Variants in SLC25A41 observed in about 807,000 individuals in gnomAD.
SLC25A41 encodes solute carrier family 25 member 41.
SLC25A41 carries 35 observed loss-of-function variants against 34.7 expected under a neutral mutation model. That is an observed-to-expected ratio of 1.01 (90% CI 0.77 to 1.34). The LOEUF is 1.34. Ranked by LOEUF, SLC25A41 falls within the 40% of genes most tolerant of loss-of-function variation. SLC25A41 has a pLI of 0.00. For missense variants in SLC25A41, 492 were observed against 489.8 expected (o/e 1.00, Z -0.04); for synonymous variants, 190 against 209.9 (o/e 0.91, Z 0.82).
At chr19:6,433,463 G>C in intron 1 of SLC25A41, 24 bp downstream of exon 1, 1 of 1,609,622 alleles carries the variant, frequency 6.2e-7, no homozygotes, top group Non-Finnish European at 8.5e-7. Context: ...GAGGTGCCGG[G>C]ACACTGGTGT....
chr19:6,431,631 AG>A (rs2092285973), intron 2 of SLC25A41, among the ~76,000 whole-genome samples: 1 of 151,544 alleles, frequency 6.6e-6, no homozygotes, highest in Admixed American at 6.6e-5. Context: ...TAGTAGAGAC[AG>A]GGTTTCGCCA....
rs112106987 is a variant in SLC25A41 at position 6,430,138 on chromosome 19, G to C, written c.387C>G (p.Phe129Leu). 9.9e-6 allele frequency: 16 copies of C among 1,612,980 alleles called. No individual in the cohort carries two copies. Among genetic ancestry groups the C allele is most frequent in the Non-Finnish European group, 1.3e-5 (15 of 1,179,454 alleles). Residue 129 changes from phenylalanine to leucine, a missense_variant, in exon 3 of 7, where the codon TTC (phenylalanine) becomes TTG (leucine). By Grantham distance (22) the Phe-to-Leu change is conservative. Transcript: ENST00000321510. ...YMQVYSSKTN[F>L]TNLLGGLQSM... ...TCTGTAGCCCCCCCAGCAGGTTGGTGAAGTTCGTCTTGGAGGAGTAGACCT... is the reference window on the plus strand; with the variant it reads ...TCTGTAGCCCCCCCAGCAGGTTGGTCAAGTTCGTCTTGGAGGAGTAGACCT...
Position 6,427,416 on chromosome 19 carries a change from C to A in SLC25A41, c.710G>T (p.Gly237Val). 6.2e-7 allele frequency: 1 copy of A among 1,609,902 alleles called. No homozygotes were observed. Among genetic ancestry groups the A allele is most frequent in the Non-Finnish European group, 8.5e-7 (1 of 1,178,264 alleles). ...GTAGCCGCGGTAAAGGGCGCGGGTG[C>A]CCTCTCGCTGCAAGATCTGCCTGGC... is the stretch of plus-strand genomic sequence containing the variant. ...DCARQILQRE[G>V]TRALYRGYLP... is the part of the protein sequence containing the mutation. Residue 237 changes from glycine (G) to valine (V), a missense_variant, in exon 5 of 7, where the codon GGC becomes GTC. Coordinates refer to ENST00000321510, the MANE Select transcript of SLC25A41 (RefSeq NM_173637.4). The surrounding 1 kb of genome is among the most constrained non-coding windows in gnomAD (Gnocchi z 4.9).
chr19:6,432,250 C>A, intron 1 of SLC25A41, 46 bp from the exon 2 acceptor site: 1 of 1,589,818 alleles, frequency 6.3e-7, no homozygotes. Flanking sequence ...CAGGTTGGGG[C>A]ACCTTCCCCA....
At chr19:6,428,089 A>G (rs1324789426) in intron 4 of SLC25A41, among the ~76,000 whole-genome samples, 2 of 152,178 alleles carry the variant, frequency 1.3e-5, no homozygotes, top group South Asian at 2.1e-4. Flanking sequence ...AAGTCATTAT[A>G]CATTCCTCAA....
intron 2 of SLC25A41, among the ~76,000 whole-genome samples, 167 bp from the exon 3 acceptor site, chr19:6,430,328 G>A (rs760430335): frequency 6.7e-6 from 1 of 148,634 alleles, no homozygotes; most frequent in African/African-American, 2.5e-5. Flanking sequence ...TTCTAGAATC[G>A]CATGCAACCC....
rs769919787 is a variant in SLC25A41 at position 6,427,981 on chromosome 19, A to C, written c.625-480T>G. ...GCTGGCAAAACTTTATGGCAAAAAGATCAAGCACTGGGGGGAAAGAAAGAG... is the reference window on the plus strand; with the variant it reads ...GCTGGCAAAACTTTATGGCAAAAAGCTCAAGCACTGGGGGGAAAGAAAGAG... On this transcript the variant is annotated intron_variant, in intron 4 of 6. Transcript: ENST00000321510. This position sits in a 1 kb window ranked among gnomAD's most constrained non-coding sequence, Gnocchi z 4.9. Among the ~76,000 whole-genome samples the C allele has an allele frequency of 2.6e-5, 4 of 152,188 alleles. No homozygotes were observed. The highest frequency in any genetic ancestry group is 5.9e-5 in the Non-Finnish European group (4 of 68,036).
rs1202140231 is a variant in SLC25A41 at position 6,433,574 on chromosome 19, T to C, written c.120A>G (p.Pro40=). The C allele has an allele frequency of 5.9e-6, 8 of 1,345,726 alleles. No individual in the cohort carries two copies. The highest frequency in any genetic ancestry group is 7.9e-6 in the Non-Finnish European group (8 of 1,007,290). 83.4% of individuals were successfully genotyped at this position (1,345,726 alleles called of 1,614,324 possible). ...PPPPQPPPPP[P]SWNPGCTHVY... is the part of the protein sequence containing the mutation. ...CGTGTGTACAGCCAGGGTTCCAGGA[T>C]GGGGGTGGAGGCGGAGGTTGGGGGG... Residue 40 remains proline (P), a synonymous_variant, in exon 1 of 7, where the codon CCA becomes CCG. Coordinates refer to ENST00000321510, the MANE Select transcript of SLC25A41 (RefSeq NM_173637.4).
upstream of SLC25A41, chr19:6,433,787 G>A: frequency 9.2e-7 from 1 of 1,083,842 alleles, no homozygotes. Context: ...ATTGTGTGGG[G>A]GACCAAGAGG....
intron 4 of SLC25A41, among the ~76,000 whole-genome samples, chr19:6,428,720 TA>T (rs991160991): frequency 4.6e-4 from 63 of 136,564 alleles, no homozygotes; most frequent in African/African-American, 9.8e-4. Context: ...TATATATATA[TA>T]TTTTTTTTGA....
chr19:6,431,962 A>G, intron 2 of SLC25A41, 87 bp downstream of exon 2: 1 of 1,496,714 alleles, frequency 6.7e-7, no homozygotes, highest in South Asian at 1.3e-5. Context: ...CCTGAACTCC[A>G]TCCACGTCAA....
Position 6,429,073 on chromosome 19 carries a change from T to A in SLC25A41, c.624+651A>T, listed in dbSNP as rs867962195. ...ATTATATATATGTTATATATATATA[T>A]AATATATATATTATATATATGTTAC... On this transcript the variant is annotated intron_variant, in intron 4 of 6. Coordinates refer to ENST00000321510, the MANE Select transcript of SLC25A41 (RefSeq NM_173637.4). Among the ~76,000 whole-genome samples the A allele has an allele frequency of 5.7e-4, 34 of 59,752 alleles. 3 individuals carry two copies. Among genetic ancestry groups the A allele is most frequent in the Admixed American group, 6.5e-4 (2 of 3,070 alleles). 39.2% of individuals were successfully genotyped at this position (59,752 alleles called of 152,430 possible).
chr19:6,429,847 G>A lies in SLC25A41; in HGVS notation c.517-16C>T. 6.2e-7 allele frequency: 1 copy of A among 1,609,762 alleles called. No individual in the cohort carries two copies. The highest frequency in any genetic ancestry group is 1.3e-5 in the African/African-American group (1 of 74,836). On this transcript the variant is annotated splice_polypyrimidine_tract_variant and intron_variant, in intron 3 of 6. Transcript: ENST00000321510. Reference sequence around the variant, plus strand: ...AATTCTTGCACTGGGAGAGGAGAGAGGAGGGTGAGAGAGAAGTCAGCCACC... The same window carrying A: ...AATTCTTGCACTGGGAGAGGAGAGAAGAGGGTGAGAGAGAAGTCAGCCACC...
In SLC25A41 at chr19:6,429,142, A is replaced by G. The variant is rs1270666679; in HGVS notation, c.624+582T>C. ...TATTATATATATGTTATATATATAT[A>G]TAATATATATATTATATATATAATA... On this transcript the variant is annotated intron_variant, in intron 4 of 6. Coordinates refer to ENST00000321510, the MANE Select transcript of SLC25A41 (RefSeq NM_173637.4). 8.3e-5 allele frequency among the ~76,000 whole-genome samples: 4 copies of G among 48,174 alleles called. 1 individual carries two copies. Among genetic ancestry groups the G allele is most frequent in the Admixed American group, 8.8e-4 (2 of 2,278 alleles). The allele number at this position is 48,174 out of a possible 152,430, so 31.6% of individuals were successfully genotyped here.
upstream of SLC25A41, among the ~76,000 whole-genome samples, chr19:6,434,821 A>T (rs141278895): frequency 0.013 from 1,917 of 152,236 alleles, 22 homozygotes; most frequent in South Asian, 0.032. Context: ...AGACAGGAGA[A>T]TTGCTTGAAC....
rs1366061734 is a variant in SLC25A41, at chr19:6,427,195, A to AG, written c.847dup (p.Leu283ProfsTer98). On this transcript the variant is annotated frameshift_variant, in exon 6 of 7. Coordinates refer to ENST00000321510, the MANE Select transcript of SLC25A41 (RefSeq NM_173637.4). LOFTEE classifies it high-confidence loss of function. This position sits in a 1 kb window ranked among gnomAD's most constrained non-coding sequence, Gnocchi z 4.9. ...TAGCGTCACAGACGACAGACTGACCAGGCCACTGGGGTCCCCCATATCCCT... is the reference window on the plus strand; with the variant it reads ...TAGCGTCACAGACGACAGACTGACCAGGGCCACTGGGGTCCCCCATATCCCT... 9.3e-6 allele frequency: 15 copies of AG among 1,612,650 alleles called. No homozygotes were observed. Among genetic ancestry groups the AG allele is most frequent in the Non-Finnish European group, 1.3e-5 (15 of 1,179,794 alleles).
intron 2 of SLC25A41, among the ~76,000 whole-genome samples, chr19:6,431,442 T>G (rs1227017872): frequency 3.3e-5 from 5 of 150,988 alleles, no homozygotes; most frequent in Non-Finnish European, 5.9e-5. Flanking sequence ...GCCTTTTTTT[T>G]TTTTCTTTCT....
intron 1 of SLC25A41, 77 bp from the exon 2 acceptor site, chr19:6,432,281 AC>A: frequency 6.7e-7 from 1 of 1,481,520 alleles, no homozygotes; most frequent in Non-Finnish European, 9.1e-7. Context: ...TAGGGCACCC[AC>A]CTGGTGAAAG....
Position 6,427,441 on chromosome 19 carries a change from CGCAGTCCA to C in SLC25A41, c.677_684del (p.Leu226ArgfsTer36). On this transcript the variant is annotated frameshift_variant, in exon 5 of 7. Transcript: ENST00000321510. LOFTEE classifies it high-confidence loss of function. The surrounding 1 kb of genome is among the most constrained non-coding windows in gnomAD (Gnocchi z 4.9). ...CCCTCTCGCTGCAAGATCTGCCTGG[CGCAGTCCA>C]GCAGCCCCTTGTACTGGCCCGTCCG... The C allele has an allele frequency of 6.2e-7, 1 of 1,605,324 alleles. No homozygotes were observed. Among genetic ancestry groups the C allele is most frequent in the Non-Finnish European group, 8.5e-7 (1 of 1,175,632 alleles).
Sources: gnomAD v4.1 joint callset for allele counts (sites outside exome capture counted in the v4.1 genomes callset) on GRCh38, gnomAD v4.1.1 for gene constraint, Gnocchi (gnomAD v3.1) non-coding constraint, MANE v1.5 for transcripts, NCBI Gene and HGNC (gene_info 2026-07-23, HGNC 2026-07-21) for gene names.